Variants in TIPARP observed in about 807,000 individuals in gnomAD.
The protein encoded by TIPARP is protein mono-ADP-ribosyltransferase TIPARP.
A neutral mutation model predicts 56.5 loss-of-function variants in TIPARP; 12 were observed. That is an observed-to-expected ratio of 0.21 (90% CI 0.14 to 0.34). The LOEUF is 0.34. TIPARP is among the 10% of genes least tolerant of loss of function. TIPARP has a pLI of 1.00. For missense variants in TIPARP, 604 were observed against 781.6 expected (o/e 0.77, Z 2.71); for synonymous variants, 296 against 265.7 (o/e 1.11, Z -1.11).
At chr3:156,690,906 C>T (rs1722556686) in intron 2 of TIPARP, among the ~76,000 whole-genome samples, 1 of 152,138 alleles carries the variant, frequency 6.6e-6, no homozygotes, top group Non-Finnish European at 1.5e-5. Context: ...CAGTTTCCAA[C>T]ATCCTGTATT....
At chr3:156,698,352 CTTATA>C (rs1559976213) in intron 4 of TIPARP, among the ~76,000 whole-genome samples, 2 of 152,158 alleles carry the variant, frequency 1.3e-5, no homozygotes, top group African/African-American at 2.4e-5. Context: ...ACAAAACAAA[CTTATA>C]TTAGAAGAAG....
chr3:156,695,826 C>CTTTTT lies in TIPARP; in HGVS notation c.1087-26_1087-22dup, dbSNP rs10631452. On this transcript the variant is annotated intron_variant, in intron 3 of 5. Transcript: ENST00000295924. ...TTTTTAACCATGATTATTAACTTTC[C>CTTTTT]TTTTTTTTTTTTTTTTTGTTCTGTT... 1,285 of 1,028,930 alleles carry CTTTTT rather than the reference C, an allele frequency of 1.2e-3. 29 individuals are homozygous for CTTTTT. The highest frequency in any genetic ancestry group is 3.2e-3 in the African/African-American group (144 of 45,692). The allele number at this position is 1,028,930 out of a possible 1,614,324, so 63.7% of individuals were successfully genotyped here. A position where few individuals can be genotyped will look rare whatever the true frequency, so the allele number is the denominator to read the frequency against.
chr3:156,684,896 C>G (rs1039006809), intron 2 of TIPARP, among the ~76,000 whole-genome samples: 7 of 152,182 alleles, frequency 4.6e-5, no homozygotes, highest in African/African-American at 1.7e-4. Context: ...CAATCCCTGA[C>G]ACAGTAACTG....
rs951718226 is a variant in TIPARP, at chr3:156,693,111, T to C, written c.918-909T>C. On this transcript the variant is annotated intron_variant, in intron 2 of 5. Coordinates refer to ENST00000295924, the MANE Select transcript of TIPARP (RefSeq NM_015508.5). ...CTATGCTACAATATCTGTGCTGTTA[T>C]CATATATTTAATTTTTTATATTTTC... 2.6e-4 allele frequency among the ~76,000 whole-genome samples: 39 copies of C among 152,260 alleles called. No homozygotes were observed. The Middle Eastern group carries it at 0.01, about 40-fold the overall frequency.
Position 156,704,677 on chromosome 3 carries a change from C to A in TIPARP, c.1527-7C>A. ...CTTCTGAATTCTCTGTCTGTTCTTT[C>A]CATTAGGAAAAAGGAATATATGAAC... On this transcript the variant is annotated splice_region_variant and splice_polypyrimidine_tract_variant and intron_variant, in intron 5 of 5. Transcript: ENST00000295924. The A allele has an allele frequency of 6.2e-7, 1 of 1,606,300 alleles. No homozygotes were observed. Among genetic ancestry groups the A allele is most frequent in the Non-Finnish European group, 8.5e-7 (1 of 1,175,592 alleles).
chr3:156,691,745 T>C (rs1009616572), intron 2 of TIPARP, among the ~76,000 whole-genome samples: 1 of 152,166 alleles, frequency 6.6e-6, no homozygotes, highest in African/African-American at 2.4e-5. Context: ...AAAAAGATAA[T>C]TTAATGTTTT....
chr3:156,702,127 C>A (rs73168640), intron 4 of TIPARP, among the ~76,000 whole-genome samples: 3,447 of 150,232 alleles, frequency 0.023, 64 homozygotes, highest in Non-Finnish European at 0.035. Context: ...AGGTTGGAAT[C>A]CTAGTATCCT....
chr3:156,703,925 A>G (rs1322720239), intron 5 of TIPARP, among the ~76,000 whole-genome samples: 1 of 149,824 alleles, frequency 6.7e-6, no homozygotes, highest in Non-Finnish European at 1.5e-5. Context: ...AGGCAGGAGA[A>G]TGGTGTGAAC....
chr3:156,687,444 C>A (rs1171680640), intron 2 of TIPARP, among the ~76,000 whole-genome samples: 1 of 152,088 alleles, frequency 6.6e-6, no homozygotes, highest in African/African-American at 2.4e-5. Context: ...TAATAGAAAA[C>A]AAACAACAAA....
intron 4 of TIPARP, among the ~76,000 whole-genome samples, chr3:156,699,695 G>A (rs553509333): frequency 6.6e-6 from 1 of 152,198 alleles, no homozygotes; most frequent in African/African-American, 2.4e-5. Flanking sequence ...TATCTACTAG[G>A]TAGTCATATA....
At chr3:156,702,431 G>T (rs752636397) in intron 4 of TIPARP, among the ~76,000 whole-genome samples, 1 of 152,184 alleles carries the variant, frequency 6.6e-6, no homozygotes, top group Non-Finnish European at 1.5e-5. Flanking sequence ...TATGATGAGA[G>T]AGATGGTCAG....
At chr3:156,682,911 A>AT (rs1433484429) in intron 2 of TIPARP, among the ~76,000 whole-genome samples, 3 of 152,194 alleles carry the variant, frequency 2.0e-5, no homozygotes, top group African/African-American at 7.2e-5. Flanking sequence ...CCAATGAATT[A>AT]TTTTTTGTAC....
intron 2 of TIPARP, among the ~76,000 whole-genome samples, chr3:156,683,797 T>G (rs1722362295): frequency 6.6e-6 from 1 of 152,236 alleles, no homozygotes; most frequent in African/African-American, 2.4e-5. Flanking sequence ...TAAAGCAGTA[T>G]GTAGTCTATG....
Position 156,703,663 on chromosome 3 carries a change from T to C in TIPARP, c.1487T>C (p.Leu496Ser), listed in dbSNP as rs774124108. ...TTTAAATACAGAATTTTGCAGATAT[T>C]GAGAGTCCAAAACCAGTTTCTTTGG... is the stretch of plus-strand genomic sequence containing the variant. Reference protein sequence around the residue: ...PEFKYRILQILRVQNQFLWEK... With the variant: ...PEFKYRILQISRVQNQFLWEK... Residue 496 changes from leucine to serine, a missense_variant, in exon 5 of 6, where the codon TTG (leucine) becomes TCG (serine). By Grantham distance (145) the Leu-to-Ser change is moderately radical. Transcript: ENST00000295924. 3 of 1,613,814 alleles carry C rather than the reference T, an allele frequency of 1.9e-6. No homozygotes were observed. The African/African-American group carries it at 4.0e-5, about 22-fold the overall frequency.
At chr3:156,692,640 C>A (rs1439043431) in intron 2 of TIPARP, among the ~76,000 whole-genome samples, 1 of 151,986 alleles carries the variant, frequency 6.6e-6, no homozygotes, top group African/African-American at 2.4e-5. Flanking sequence ...TTTTTGGCTT[C>A]ATCAGTTGGT....
At chr3:156,684,509 T>C (rs1722382356) in intron 2 of TIPARP, among the ~76,000 whole-genome samples, 1 of 152,214 alleles carries the variant, frequency 6.6e-6, no homozygotes, top group South Asian at 2.1e-4. Context: ...TCTCGGCTCC[T>C]GCAACCTCCG....
In TIPARP at chr3:156,703,670, C is replaced by G. The variant is rs1465078248; in HGVS notation, c.1494C>G (p.Val498=). ...FKYRILQILR[V]QNQFLWEKYK... is the part of the protein sequence containing the mutation. Reference sequence around the variant, plus strand: ...ACAGAATTTTGCAGATATTGAGAGTCCAAAACCAGTTTCTTTGGGAGAAAT... The same window carrying G: ...ACAGAATTTTGCAGATATTGAGAGTGCAAAACCAGTTTCTTTGGGAGAAAT... Residue 498 remains valine, a synonymous_variant, in exon 5 of 6, where the codon GTC becomes GTG. Coordinates refer to ENST00000295924, the MANE Select transcript of TIPARP (RefSeq NM_015508.5). 3.1e-6 allele frequency: 5 copies of G among 1,612,912 alleles called. No homozygotes were observed. The highest frequency in any genetic ancestry group is 4.2e-6 in the Non-Finnish European group (5 of 1,179,836).
intron 4 of TIPARP, among the ~76,000 whole-genome samples, 199 bp from the exon 5 acceptor site, chr3:156,703,225 A>G (rs1275554888): frequency 6.6e-6 from 1 of 152,208 alleles, no homozygotes; most frequent in East Asian, 1.9e-4. Flanking sequence ...CAGAAGGCTA[A>G]TAATAGGTTA....
At chr3:156,702,222 C>G (rs1722867656) in intron 4 of TIPARP, among the ~76,000 whole-genome samples, 2 of 152,138 alleles carry the variant, frequency 1.3e-5, no homozygotes, top group South Asian at 2.1e-4. Flanking sequence ...AAATTAGAAA[C>G]TATCTAGATG....
Sources: allele counts gnomAD v4.1 joint callset (sites outside exome capture counted in the v4.1 genomes callset), GRCh38; gene constraint gnomAD v4.1.1; transcripts MANE v1.5; gene names NCBI Gene and HGNC (gene_info 2026-07-23, HGNC 2026-07-21).